The following OTP variants were observed in gnomAD, a reference collection of about 807,000 sequenced individuals.
The protein encoded by OTP is orthopedia homeobox, also known as homeobox protein orthopedia.
OTP carries 5 observed loss-of-function variants against 22.3 expected under a neutral mutation model. The observed-to-expected ratio is 0.22, with a 90% CI of 0.12 to 0.47. The LOEUF is 0.47. Ranked by LOEUF, OTP falls within the 20% of genes least tolerant of loss-of-function variation. The pLI, the probability that OTP is intolerant of heterozygous loss-of-function variation, is 0.99. For missense variants in OTP, 428 were observed against 456.2 expected, an observed-to-expected ratio of 0.94 and a Z score of 0.56; for synonymous variants, 229 against 210.6, an observed-to-expected ratio of 1.09 and a Z score of -0.76.
Position 77,638,685 on chromosome 5 carries a change from G to GTTA in OTP, c.-139_-137dup. Reference sequence around the variant, plus strand: ...TAAATGAAAGAAAATTCGGTTTGTGGTTAAAAAGGGGGCTTCTTGCATTAT... The same window carrying GTTA: ...TAAATGAAAGAAAATTCGGTTTGTGGTTATTAAAAAGGGGGCTTCTTGCATTAT... On this transcript the variant is annotated 5_prime_UTR_variant, in exon 1 of 3. Coordinates refer to ENST00000306422, the MANE Select transcript of OTP (RefSeq NM_032109.3). The GTTA allele has an allele frequency of 1.3e-6, 1 of 787,312 alleles. No homozygotes were observed. The highest frequency in any genetic ancestry group is 2.5e-5 in the South Asian group (1 of 39,392). 48.8% of individuals were successfully genotyped at this position (787,312 alleles called of 1,614,324 possible). A position where few individuals can be genotyped will look rare whatever the true frequency, so the allele number is the denominator to read the frequency against.
chr5:77,635,362 G>A (rs1385463249), intron 2 of OTP, among the ~76,000 whole-genome samples: 4 of 152,096 alleles, frequency 2.6e-5, no homozygotes, highest in Non-Finnish European at 4.4e-5. Context: ...ATTTTGAAGA[G>A]CATTACTAAC....
At chr5:77,634,899 G>T (rs150269710) in intron 2 of OTP, among the ~76,000 whole-genome samples, 2 of 152,108 alleles carry the variant, frequency 1.3e-5, no homozygotes, top group African/African-American at 4.8e-5. Flanking sequence ...AGAGTACTTT[G>T]TCTCTTTCTT....
Position 77,630,747 on chromosome 5 carries a change from C to T in OTP, c.495G>A (p.Thr165=), listed in dbSNP as rs548630072. Residue 165 remains threonine, a synonymous_variant, in exon 3 of 3, where the codon ACG becomes ACA. Transcript: ENST00000306422. ...RRAKWKKRKK[T]TNVFRAPGTL... ...TGCCGGGCGCACGGAACACGTTGGTCGTCTTTTTGCGCTTCTTCCACTTGG... is the reference window on the plus strand; with the variant it reads ...TGCCGGGCGCACGGAACACGTTGGTTGTCTTTTTGCGCTTCTTCCACTTGG... 2.5e-6 allele frequency: 4 copies of T among 1,578,930 alleles called. No individual in the cohort carries two copies. The highest frequency in any genetic ancestry group is 2.7e-5 in the African/African-American group (2 of 73,840).
chr5:77,637,107 C>T lies in OTP; in HGVS notation c.161G>A (p.Gly54Glu), dbSNP rs766407119. 1.9e-6 allele frequency: 3 copies of T among 1,611,984 alleles called. No homozygotes were observed. Among genetic ancestry groups the T allele is most frequent in the African/African-American group, 1.3e-5 (1 of 74,922 alleles). ...GTCCTCCCCGGGCAGCAGAGTGGCT[C>T]CCTCCACTGGGTCAGAGTTGGGCGC... ...DLAPNSDPVEGATLLPGEDIT... is the reference protein window; with the variant it reads ...DLAPNSDPVEEATLLPGEDIT... Residue 54 changes from glycine to glutamate, a missense_variant, in exon 2 of 3, where the codon GGA becomes GAA. Around this residue, in one of 3 missense-constraint regions of OTP, gnomAD observed 176 missense variants for 162.9 expected, o/e 1.08. Transcript: ENST00000306422.
At chr5:77,634,725 T>C (rs1348390789) in intron 2 of OTP, among the ~76,000 whole-genome samples, 1 of 152,226 alleles carries the variant, frequency 6.6e-6, no homozygotes, top group Non-Finnish European at 1.5e-5. Flanking sequence ...CATTACATAA[T>C]GTTAATCATT....
intron 1 of OTP, among the ~76,000 whole-genome samples, chr5:77,637,564 G>A (rs1188256642): frequency 2.0e-5 from 3 of 152,158 alleles, no homozygotes; most frequent in Non-Finnish European, 4.4e-5. Context: ...CCAGGAAATC[G>A]AGAGCAAATC....
rs1736981089 is a variant in OTP at position 77,638,495 on chromosome 5, C to A, written c.37+18G>T. 6.4e-7 allele frequency: 1 copy of A among 1,569,290 alleles called. No individual in the cohort carries two copies. Among genetic ancestry groups the A allele is most frequent in the Non-Finnish European group, 8.6e-7 (1 of 1,156,534 alleles). On this transcript the variant is annotated intron_variant, in intron 1 of 2. Transcript: ENST00000306422. ...CCCCGGCTTCTCCTGGCTGCCCGGG[C>A]GAGAGGCGCGCACTCACCTAGCCTG...
chr5:77,631,229 A>G (rs1196169469), intron 2 of OTP, among the ~76,000 whole-genome samples: 1 of 152,256 alleles, frequency 6.6e-6, no homozygotes, highest in Non-Finnish European at 1.5e-5. Context: ...CTGATGTGCT[A>G]TAGAATTTTC....
chr5:77,637,576 T>G (rs1195391983), intron 1 of OTP, among the ~76,000 whole-genome samples: 1 of 152,172 alleles, frequency 6.6e-6, no homozygotes, highest in Admixed American at 6.5e-5. Flanking sequence ...GAGCAAATCT[T>G]TGGACACAGG....
At chr5:77,635,208 C>G (rs1344737746) in intron 2 of OTP, among the ~76,000 whole-genome samples, 1 of 152,112 alleles carries the variant, frequency 6.6e-6, no homozygotes, top group Non-Finnish European at 1.5e-5. Flanking sequence ...AAGGACAAAA[C>G]CCCAAAATTT....
chr5:77,630,345 G>C lies in OTP; in HGVS notation c.897C>G (p.Ser299Arg). 1 of 1,571,740 alleles carries C rather than the reference G, an allele frequency of 6.4e-7. No homozygotes were observed. The highest frequency in any genetic ancestry group is 8.6e-7 in the Non-Finnish European group (1 of 1,162,416). The change falls in exon 3 of 3, where the codon AGC (serine) becomes AGG (arginine). Residue 299 changes from serine (S) to arginine (R), a missense_variant. By Grantham distance (110) the Ser-to-Arg change is moderately radical. This residue lies in a region of OTP where 236 missense variants were observed against 238.1 expected (regional missense o/e 0.99). Transcript: ENST00000306422. ...GSPQLCSSPD[S>R]SDVWRGTSIA... ...TGCTGGTGCCCCGCCACACGTCGCT[G>C]CTGTCCGGGGAGCTGCAGAGCTGGG...
intron 2 of OTP, among the ~76,000 whole-genome samples, chr5:77,633,298 A>T (rs770400395): frequency 6.6e-6 from 1 of 152,168 alleles, no homozygotes; most frequent in Non-Finnish European, 1.5e-5. Context: ...AATCGTGCTC[A>T]ATTATGTTTG....
chr5:77,638,422 A>C, intron 1 of OTP, 91 bp downstream of exon 1: 1 of 1,246,296 alleles, frequency 8.0e-7, no homozygotes, highest in Non-Finnish European at 1.1e-6. Context: ...AAATTAGTCC[A>C]TTTAGGTCGC....
chr5:77,636,216 C>T (rs900092795), intron 2 of OTP: 1 of 152,254 alleles, frequency 6.6e-6, no homozygotes, highest in Non-Finnish European at 1.5e-5. Flanking sequence ...CGTCAGCTGC[C>T]CCCAGCGCAC....
At chr5:77,637,657 G>A (rs1394335429) in intron 1 of OTP, among the ~76,000 whole-genome samples, 1 of 152,180 alleles carries the variant, frequency 6.6e-6, no homozygotes, top group African/African-American at 2.4e-5. Context: ...GCAGCCTGAC[G>A]AACTGTACCT....
chr5:77,637,260 C>T, intron 1 of OTP, 30 bp from the exon 2 acceptor site: 1 of 1,464,042 alleles, frequency 6.8e-7, no homozygotes, highest in Non-Finnish European at 9.0e-7. Context: ...GCGGTCACTA[C>T]TTTCTTGGCG....
rs1745047242 is a variant in OTP, at chr5:77,638,512, C to T, written c.37+1G>A. Reference sequence around the variant, plus strand: ...TGCCCGGGCGAGAGGCGCGCACTCACCTAGCCTGGCGTCCAGGAGGTCGGC... The same window carrying T: ...TGCCCGGGCGAGAGGCGCGCACTCATCTAGCCTGGCGTCCAGGAGGTCGGC... On this transcript the variant is annotated splice_donor_variant, in intron 1 of 2. Transcript: ENST00000306422. LOFTEE classifies it high-confidence loss of function. The T allele has an allele frequency of 1.3e-6, 2 of 1,574,112 alleles. No individual in the cohort carries two copies. Among genetic ancestry groups the T allele is most frequent in the Admixed American group, 1.8e-5 (1 of 55,284 alleles).
At chr5:77,636,625 G>T in intron 2 of OTP, 196 bp downstream of exon 2, 2 of 560,280 alleles carry the variant, frequency 3.6e-6, no homozygotes, top group African/African-American at 3.8e-5. Flanking sequence ...GGCCGGAGAC[G>T]GGCCTTGCGT....
intron 1 of OTP, among the ~76,000 whole-genome samples, chr5:77,637,616 A>G (rs1415399764): frequency 1.3e-5 from 2 of 152,142 alleles, no homozygotes; most frequent in East Asian, 3.8e-4. Flanking sequence ...AAATTAAACA[A>G]TTCCTCGGTT....
Sources: gnomAD v4.1 joint callset for allele counts (sites outside exome capture counted in the v4.1 genomes callset) on GRCh38, gnomAD v4.1.1 for gene constraint, gnomAD v4.1.1 regional missense constraint, MANE v1.5 for transcripts, NCBI Gene and HGNC (gene_info 2026-07-23, HGNC 2026-07-21) for gene names.